RXFP2: variants seen among roughly 807,000 people sequenced by gnomAD.
The protein encoded by RXFP2 is relaxin family peptide receptor 2.
A neutral mutation model predicts 88.6 loss-of-function variants in RXFP2; 68 were observed. That is an observed-to-expected ratio of 0.77 (90% CI 0.63 to 0.94). The LOEUF (loss-of-function observed/expected upper bound fraction) is 0.94, where lower values mean the gene tolerates loss of function less well. Ranked by LOEUF, RXFP2 falls within the 40% of genes least tolerant of loss-of-function variation. The pLI is 0.00. For missense variants in RXFP2, 791 were observed against 893.9 expected (o/e 0.88, Z 1.47); for synonymous variants, 329 against 306.8 (o/e 1.07, Z -0.76).
At chr13:31,786,477 A>T (rs1873547152) in intron 12 of RXFP2, 23 bp downstream of exon 12, 1 of 1,579,936 alleles carries the variant, frequency 6.3e-7, no homozygotes, top group Admixed American at 1.7e-5. Context: ...TCTCACCATA[A>T]TCAGATTTAA....
chr13:31,797,610 A>T (rs934740568), intron 17 of RXFP2, among the ~76,000 whole-genome samples, 191 bp downstream of exon 17: 3 of 152,242 alleles, frequency 2.0e-5, no homozygotes, highest in African/African-American at 7.2e-5. Context: ...AGGAATAATA[A>T]AAAGCAGGAG....
At chr13:31,740,413 C>T (rs1221285924) in intron 1 of RXFP2, among the ~76,000 whole-genome samples, 5 of 151,950 alleles carry the variant, frequency 3.3e-5, no homozygotes, top group East Asian at 1.9e-4. Context: ...TTAACCACAC[C>T]CAAGATTTGC....
At chr13:31,784,118 C>T (rs769069289) in intron 11 of RXFP2, among the ~76,000 whole-genome samples, 1 of 151,660 alleles carries the variant, frequency 6.6e-6, no homozygotes, top group Non-Finnish European at 1.5e-5. Flanking sequence ...TGAGCCACCA[C>T]GCCCAACCCA....
At chr13:31,770,107 T>G (rs1022916408) in intron 5 of RXFP2, among the ~76,000 whole-genome samples, 3 of 152,218 alleles carry the variant, frequency 2.0e-5, no homozygotes, top group African/African-American at 7.2e-5. Context: ...ATCACATAGT[T>G]TTGCACAGTC....
chr13:31,743,742 G>A (rs1375322093), intron 1 of RXFP2, among the ~76,000 whole-genome samples: 1 of 151,276 alleles, frequency 6.6e-6, no homozygotes, highest in African/African-American at 2.4e-5. Context: ...TTCATGTCTC[G>A]CCCTCCTACC....
intron 3 of RXFP2, among the ~76,000 whole-genome samples, chr13:31,762,843 T>G (rs778811892): frequency 9.9e-5 from 15 of 152,188 alleles, no homozygotes; most frequent in Non-Finnish European, 1.5e-5. Context: ...TGAGTTGTCT[T>G]GCCCACATCC....
At position 31,765,775 on chromosome 13, in the gene RXFP2, C is replaced by T. The variant is rs567791253; in HGVS notation, c.426-181C>T. Among the ~76,000 whole-genome samples, 35 of 152,246 alleles carry T rather than the reference C, an allele frequency of 2.3e-4. No individual in the cohort carries two copies. In the South Asian group the frequency reaches 5.2e-3, roughly 23 times the overall value. On this transcript the variant is annotated intron_variant, in intron 4 of 17. Transcript: ENST00000298386. ...ACATTTGTCAAATACTCACAAGCTA[C>T]TTTATTTTGCTTTATAAACTTTTCA...
chr13:31,797,232 G>A lies in RXFP2; in HGVS notation c.1818G>A (p.Val606=). ...GVNLLAFLII[V]FSYITMFCSI... ...ACTTGCTGGCTTTTCTCATCATTGT[G>A]TTTTCCTATATTACTATGTTCTGTT... Residue 606 remains valine, a synonymous_variant, in exon 17 of 18, where the codon GTG becomes GTA. Transcript: ENST00000298386. The A allele has an allele frequency of 6.2e-7, 1 of 1,613,750 alleles. No homozygotes were observed. The highest frequency in any genetic ancestry group is 1.1e-5 in the South Asian group (1 of 91,060).
rs1251216747 is a variant in RXFP2, at chr13:31,759,986, G to A, written c.241+1582G>A. On this transcript the variant is annotated intron_variant, in intron 2 of 17. Coordinates refer to ENST00000298386, the MANE Select transcript of RXFP2 (RefSeq NM_130806.5). ...CCCTGAAGCTGTATCACCGGTCTAG[G>A]ATGGCTGCAATTTCTCTGTTATCAC... Among the ~76,000 whole-genome samples the A allele has an allele frequency of 4.6e-5, 7 of 152,172 alleles. No individual in the cohort carries two copies. The East Asian group carries it at 1.3e-3, about 29-fold the overall frequency.
At chr13:31,788,137 GAAAAA>G (rs11434187) in intron 13 of RXFP2, among the ~76,000 whole-genome samples, 1 of 138,282 alleles carries the variant, frequency 7.2e-6, no homozygotes, top group African/African-American at 2.7e-5. Context: ...GAGCCAGAGA[GAAAAA>G]AAAAAAAAGG....
intron 3 of RXFP2, among the ~76,000 whole-genome samples, chr13:31,763,298 T>A (rs1212014874): frequency 6.6e-6 from 1 of 152,090 alleles, no homozygotes; most frequent in East Asian, 1.9e-4. Flanking sequence ...TTGCCCAGGC[T>A]GGTCTCAAAC....
intron 11 of RXFP2, among the ~76,000 whole-genome samples, chr13:31,785,630 T>C (rs1265244716): frequency 2.6e-5 from 4 of 151,800 alleles, no homozygotes; most frequent in East Asian, 3.9e-4. Context: ...AACTCCCACA[T>C]AACCATCAGC....
At chr13:31,773,319 G>C (rs900590378) in intron 5 of RXFP2, among the ~76,000 whole-genome samples, 3 of 152,178 alleles carry the variant, frequency 2.0e-5, no homozygotes, top group Non-Finnish European at 4.4e-5. Flanking sequence ...ATGTTCTGTA[G>C]TGCCAACACT....
chr13:31,751,893 C>T lies in RXFP2; in HGVS notation c.95-6365C>T, dbSNP rs547114549. 4.6e-5 allele frequency among the ~76,000 whole-genome samples: 7 copies of T among 152,090 alleles called. No individual in the cohort carries two copies. In the South Asian group the frequency reaches 6.2e-4, roughly 14 times the overall value. ...AGGTAGTCTCTCAACTCATGCAGAACGAGATGAATTTTACATACTGAAAGG... is the reference window on the plus strand; with the variant it reads ...AGGTAGTCTCTCAACTCATGCAGAATGAGATGAATTTTACATACTGAAAGG... On this transcript the variant is annotated intron_variant, in intron 1 of 17. Transcript: ENST00000298386.
At chr13:31,800,847 A>T (rs5010303) in intron 17 of RXFP2, among the ~76,000 whole-genome samples, 87,462 of 151,390 alleles carry the variant, frequency 0.58, 25,406 homozygotes, top group East Asian at 0.76. Context: ...TAATTTTTTT[A>T]AATTAGGGAC....
At chr13:31,771,923 A>G (rs9646107) in intron 5 of RXFP2, among the ~76,000 whole-genome samples, 22,007 of 152,026 alleles carry the variant, frequency 0.14, 1,582 homozygotes, top group Middle Eastern at 0.19. Flanking sequence ...AAATATTCAC[A>G]GTGGAGTTGA....
In RXFP2 at chr13:31,792,899, C is replaced by A. The variant is rs1320680876; in HGVS notation, c.1597C>A (p.Pro533Thr). The change falls in exon 16 of 18, where the codon CCT (proline) becomes ACT (threonine). Residue 533 changes from proline (P) to threonine (T), a missense_variant. Transcript: ENST00000298386. ...TGTCTTCCCCTTCAGTAACATTCGA[C>A]CTGGAAAACGGCAGACCTCAGTCAT... is the stretch of plus-strand genomic sequence containing the variant. ...VIVFPFSNIR[P>T]GKRQTSVILI... is the part of the protein sequence containing the mutation. 1 of 1,613,962 alleles carries A rather than the reference C, an allele frequency of 6.2e-7. No homozygotes were observed. The highest frequency in any genetic ancestry group is 8.5e-7 in the Non-Finnish European group (1 of 1,180,014).
intron 16 of RXFP2, among the ~76,000 whole-genome samples, chr13:31,796,916 A>G (rs543020764): frequency 6.6e-6 from 1 of 152,352 alleles, no homozygotes; most frequent in East Asian, 1.9e-4. Flanking sequence ...CTGATGGTTC[A>G]ATGTATGCAA....
rs574097779 is a variant in RXFP2 at position 31,795,830 on chromosome 13, G to A, written c.1787-1371G>A. 2.0e-5 allele frequency among the ~76,000 whole-genome samples: 3 copies of A among 152,188 alleles called. No individual in the cohort carries two copies. In the South Asian group the frequency reaches 6.2e-4, roughly 32 times the overall value. On this transcript the variant is annotated intron_variant, in intron 16 of 17. Coordinates refer to ENST00000298386, the MANE Select transcript of RXFP2 (RefSeq NM_130806.5). ...CAAGAATAAAGCAAAGAGTGACTAA[G>A]AAGTCAGCATGAAAGGTAATAGTGA...
Sources: allele counts gnomAD v4.1 joint callset (sites outside exome capture counted in the v4.1 genomes callset), GRCh38; gene constraint gnomAD v4.1.1; transcripts MANE v1.5; gene names NCBI Gene and HGNC (gene_info 2026-07-23, HGNC 2026-07-21).